Variants in OSBPL1A observed in about 807,000 individuals in gnomAD.
OSBPL1A encodes the protein oxysterol-binding protein-related protein 1.
In OSBPL1A, 80 loss-of-function variants were observed where a neutral mutation model predicts 137.1. That is an observed-to-expected ratio of 0.58 (90% CI 0.49 to 0.70). The LOEUF (loss-of-function observed/expected upper bound fraction) is 0.70. OSBPL1A is among the 30% of genes least tolerant of loss of function. The pLI is 0.00. For synonymous variants in OSBPL1A, 365 were observed against 389.7 expected (o/e 0.94, Z 0.75); for missense variants, 970 against 1,129.4 (o/e 0.86, Z 2.02).
At chr18:24,385,794 C>A (rs114762205) in intron 1 of OSBPL1A, among the ~76,000 whole-genome samples, 3 of 152,126 alleles carry the variant, frequency 2.0e-5, no homozygotes, top group Non-Finnish European at 4.4e-5. Context: ...GGAGACTGCA[C>A]CAGACTCCTT....
At chr18:24,339,605 T>G (rs1349592283) in intron 5 of OSBPL1A, among the ~76,000 whole-genome samples, 1 of 152,236 alleles carries the variant, frequency 6.6e-6, no homozygotes, top group African/African-American at 2.4e-5. Context: ...AACATTCCAG[T>G]CTGTCAGGAA....
intron 17 of OSBPL1A, among the ~76,000 whole-genome samples, chr18:24,222,591 A>G (rs574598569): frequency 2.0e-5 from 3 of 152,228 alleles, no homozygotes; most frequent in South Asian, 2.1e-4. Flanking sequence ...AAGCAACTTG[A>G]TATTTTCTGG....
chr18:24,298,568 A>C (rs1304701340), intron 14 of OSBPL1A, among the ~76,000 whole-genome samples: 1 of 152,140 alleles, frequency 6.6e-6, no homozygotes, highest in African/African-American at 2.4e-5. Context: ...GATGGTCTCG[A>C]TCTCCGGACC....
In OSBPL1A at chr18:24,312,011, A is replaced by G. The variant is rs2337961; in HGVS notation, c.1065T>C (p.Ser355=). The change falls in exon 13 of 28, where the codon TCT becomes TCC. Residue 355 remains serine, a synonymous_variant. Transcript: ENST00000319481. ...CTAATGATTTCTTCAGGTCTGCAGC[A>G]GAAACCGTATCTTCCTCCTCCTCAT... ...LTDEEEEDTV[S]AADLKKSLEK... 357,590 of 1,613,424 alleles carry G rather than the reference A, an allele frequency of 0.22. 42,476 individuals carry two copies. Among genetic ancestry groups the G allele is most frequent in the African/African-American group, 0.42 (31,461 of 74,936 alleles).
intron 12 of OSBPL1A, among the ~76,000 whole-genome samples, chr18:24,313,604 C>G (rs946315286): frequency 3.9e-5 from 6 of 152,138 alleles, no homozygotes; most frequent in Admixed American, 3.9e-4. Flanking sequence ...TCACAAGCTG[C>G]CTGGCCTTGG....
intron 15 of OSBPL1A, among the ~76,000 whole-genome samples, chr18:24,260,081 T>G (rs1336551645): frequency 6.6e-6 from 1 of 152,038 alleles, no homozygotes; most frequent in East Asian, 1.9e-4. Flanking sequence ...AAAGATGAGT[T>G]CAACAGGTGA....
intron 17 of OSBPL1A, among the ~76,000 whole-genome samples, chr18:24,196,794 G>A (rs1320980975): frequency 6.6e-6 from 1 of 152,198 alleles, no homozygotes; most frequent in Non-Finnish European, 1.5e-5. Flanking sequence ...ACAAAATTTA[G>A]CAATTCTGGG....
At chr18:24,315,849 A>AAAT (rs2146118807) in intron 11 of OSBPL1A, among the ~76,000 whole-genome samples, 1 of 120,112 alleles carries the variant, frequency 8.3e-6, no homozygotes, top group South Asian at 2.2e-4. Flanking sequence ...TTATATAATA[A>AAAT]AATATATAAT....
chr18:24,173,505 C>T (rs931971140), intron 21 of OSBPL1A, among the ~76,000 whole-genome samples: 7 of 152,136 alleles, frequency 4.6e-5, no homozygotes, highest in Non-Finnish European at 7.4e-5. Flanking sequence ...CTTCACCTCC[C>T]GGGTTCAAGT....
intron 4 of OSBPL1A, among the ~76,000 whole-genome samples, chr18:24,353,368 A>G (rs2146174409): frequency 1.3e-5 from 2 of 152,354 alleles, no homozygotes; most frequent in Middle Eastern, 6.8e-3. Context: ...CCACAATGAG[A>G]TACCATCTCA....
At chr18:24,231,181 T>C (rs1411579296) in intron 16 of OSBPL1A, among the ~76,000 whole-genome samples, 3 of 152,236 alleles carry the variant, frequency 2.0e-5, no homozygotes, top group African/African-American at 7.2e-5. Flanking sequence ...ACAGAATCTT[T>C]ACCTGATTAG....
chr18:24,233,008 A>T (rs4800182), intron 16 of OSBPL1A, among the ~76,000 whole-genome samples: 2 of 152,058 alleles, frequency 1.3e-5, no homozygotes, highest in Non-Finnish European at 2.9e-5. Flanking sequence ...GGGAACGCTT[A>T]GCAAGAAAGC....
At chr18:24,341,028 C>G (rs766672085) in intron 5 of OSBPL1A, among the ~76,000 whole-genome samples, 3 of 152,126 alleles carry the variant, frequency 2.0e-5, no homozygotes, top group African/African-American at 4.8e-5. Flanking sequence ...GGGGGTCTCA[C>G]TCTGTTGCCT....
At chr18:24,316,618 A>G (rs1218232720) in intron 11 of OSBPL1A, among the ~76,000 whole-genome samples, 1 of 152,242 alleles carries the variant, frequency 6.6e-6, no homozygotes, top group African/African-American at 2.4e-5. Flanking sequence ...GACAACAATC[A>G]TAAGTATGTT....
intron 15 of OSBPL1A, among the ~76,000 whole-genome samples, chr18:24,268,360 T>G (rs2146052649): frequency 6.6e-6 from 1 of 152,208 alleles, no homozygotes; most frequent in Admixed American, 6.5e-5. Context: ...GCTCAGGGGA[T>G]CCACCTGCTT....
At chr18:24,257,310 C>T (rs2089309723) in intron 15 of OSBPL1A, among the ~76,000 whole-genome samples, 1 of 152,002 alleles carries the variant, frequency 6.6e-6, no homozygotes, top group South Asian at 2.1e-4. Context: ...AATACAGAAC[C>T]CAGAAACACA....
intron 14 of OSBPL1A, among the ~76,000 whole-genome samples, chr18:24,281,868 A>G (rs2089966707): frequency 6.6e-6 from 1 of 152,212 alleles, no homozygotes. Context: ...CTGGCCACAC[A>G]GCAAGAGGTG....
At position 24,181,167 on chromosome 18, in the gene OSBPL1A, G is replaced by C. The variant is rs141599851; in HGVS notation, c.1790C>G (p.Ser597Cys). ...TACCTGCATCCTTTCCACAGGATCA[G>C]AGAGTGAACTGGCCTTGTGGATGAG... The part of the protein sequence containing the change: ...TYLIHKASSL[S>C]DPVERMQCVA... Residue 597 changes from serine (S) to cysteine (C), a missense_variant, in exon 19 of 28, where the codon TCT becomes TGT. Around this residue, in one of 2 missense-constraint regions of OSBPL1A, gnomAD observed 323 missense variants for 456.8 expected, o/e 0.71. Transcript: ENST00000319481. The C allele has an allele frequency of 6.7e-5, 108 of 1,614,078 alleles. No homozygotes were observed. The African/African-American group carries it at 1.3e-3, about 20-fold the overall frequency.
rs115547328 is a variant in OSBPL1A at position 24,228,888 on chromosome 18, G to A, written c.1445-3690C>T. On this transcript the variant is annotated intron_variant, in intron 16 of 27. Transcript: ENST00000319481. ...GAGACTGTGAGTCAGTCTTAAAGCTGACTACATAGGATAAATAAAAAGCAA... is the reference window on the plus strand; with the variant it reads ...GAGACTGTGAGTCAGTCTTAAAGCTAACTACATAGGATAAATAAAAAGCAA... 1.5e-3 allele frequency among the ~76,000 whole-genome samples: 226 copies of A among 152,252 alleles called. 1 individual carries two copies. The highest frequency in any genetic ancestry group is 5.2e-3 in the African/African-American group (216 of 41,538).
Sources: allele counts gnomAD v4.1 joint callset (sites outside exome capture counted in the v4.1 genomes callset), GRCh38; gene constraint gnomAD v4.1.1; regional missense constraint gnomAD v4.1.1; transcripts MANE v1.5; gene names NCBI Gene and HGNC (gene_info 2026-07-23, HGNC 2026-07-21).